Variants in LOC128706665 observed in about 807,000 individuals in gnomAD.
the LOC128706665 span, among the ~76,000 whole-genome samples, chr20:10,430,482 AC>A: frequency 4.7e-4 from 72 of 152,352 alleles, 2 homozygotes; most frequent in South Asian, 0.011. Context: ...AAGAAAAAAA[AC>A]ATTACTGGAA....
At chr20:10,430,093 T>C in the LOC128706665 span, among the ~76,000 whole-genome samples, 9 of 152,248 alleles carry the variant, frequency 5.9e-5, no homozygotes, top group South Asian at 6.2e-4. Flanking sequence ...CTTAAAAGCC[T>C]TTAGTGACAT....
the LOC128706665 span, chr20:10,413,711 G>T: frequency 1.6e-6 from 1 of 623,704 alleles, no homozygotes; most frequent in Non-Finnish European, 2.8e-6. Context: ...TGACAAATTA[G>T]TAATTCCAAA....
the LOC128706665 span, among the ~76,000 whole-genome samples, chr20:10,430,963 A>G: frequency 6.6e-6 from 1 of 152,210 alleles, no homozygotes; most frequent in African/African-American, 2.4e-5. Context: ...ATCAAAGTCT[A>G]ACCTCCACCA....
chr20:10,433,762 T>C, the LOC128706665 span, among the ~76,000 whole-genome samples: 1 of 151,908 alleles, frequency 6.6e-6, no homozygotes. Flanking sequence ...ACGGGGCCCC[T>C]CCCAGCGAGG....
the LOC128706665 span, among the ~76,000 whole-genome samples, chr20:10,432,823 G>A: frequency 2.1e-5 from 3 of 143,418 alleles, no homozygotes; most frequent in African/African-American, 7.7e-5. Flanking sequence ...AAATCGTGTA[G>A]TTTTGTACAC....
At chr20:10,431,473 A>G in the LOC128706665 span, among the ~76,000 whole-genome samples, 3 of 152,110 alleles carry the variant, frequency 2.0e-5, no homozygotes, top group African/African-American at 7.2e-5. Context: ...TACAGGTTTG[A>G]GAAGATAATG....
the LOC128706665 span, among the ~76,000 whole-genome samples, chr20:10,422,288 C>T: frequency 6.6e-6 from 1 of 151,924 alleles, no homozygotes; most frequent in Non-Finnish European, 1.5e-5. Context: ...ATTTTATGGC[C>T]TTTTCCTTTT....
chr20:10,416,361 T>C, the LOC128706665 span, among the ~76,000 whole-genome samples: 1 of 152,136 alleles, frequency 6.6e-6, no homozygotes, highest in East Asian at 1.9e-4. Flanking sequence ...CTGGGGTCCT[T>C]TTCTGCCCAA....
chr20:10,417,621 G>T, the LOC128706665 span, among the ~76,000 whole-genome samples: 5 of 152,056 alleles, frequency 3.3e-5, no homozygotes, highest in South Asian at 1.0e-3. Flanking sequence ...AGAGTTTGAG[G>T]CTGCAGTGAG....
chr20:10,418,464 T>C, the LOC128706665 span, among the ~76,000 whole-genome samples: 1 of 152,222 alleles, frequency 6.6e-6, no homozygotes, highest in Non-Finnish European at 1.5e-5. Context: ...TCTTTTGATG[T>C]ACTTCAACTA....
At chr20:10,429,408 A>G in the LOC128706665 span, among the ~76,000 whole-genome samples, 18 of 152,246 alleles carry the variant, frequency 1.2e-4, no homozygotes, top group South Asian at 2.1e-3. Context: ...TCAATCCCCA[A>G]ACTTCTATGA....
the LOC128706665 span, among the ~76,000 whole-genome samples, chr20:10,432,992 T>C: frequency 6.6e-6 from 1 of 152,170 alleles, no homozygotes; most frequent in Non-Finnish European, 1.5e-5. Flanking sequence ...AACCATCTTT[T>C]TTCCCCCAGA....
chr20:10,414,190 GCA>G, the LOC128706665 span, among the ~76,000 whole-genome samples: 6 of 151,422 alleles, frequency 4.0e-5, no homozygotes, highest in Non-Finnish European at 1.5e-5. Context: ...AAAGCTTACA[GCA>G]CAGTTATTTG....
chr20:10,423,553 GTGT>G, the LOC128706665 span, among the ~76,000 whole-genome samples: 1 of 152,320 alleles, frequency 6.6e-6, no homozygotes, highest in Admixed American at 6.5e-5. Context: ...GTTTGGGGAA[GTGT>G]TGTACTATTC....
chr20:10,432,867 T>G, the LOC128706665 span, among the ~76,000 whole-genome samples: 2 of 148,490 alleles, frequency 1.3e-5, no homozygotes, highest in East Asian at 3.9e-4. Flanking sequence ...CCTTAAATAA[T>G]CTCTAGGCTA....
chr20:10,427,416 A>G, the LOC128706665 span, among the ~76,000 whole-genome samples: 29 of 152,226 alleles, frequency 1.9e-4, no homozygotes, highest in Non-Finnish European at 3.2e-4. Context: ...GAAGAACATT[A>G]GATAGAATAT....
chr20:10,432,964 C>T, the LOC128706665 span, among the ~76,000 whole-genome samples: 113 of 152,264 alleles, frequency 7.4e-4, no homozygotes, highest in Non-Finnish European at 1.0e-3. Flanking sequence ...AAGGTCTGCA[C>T]GTGTTCAGTA....
At chr20:10,430,507 T>C in the LOC128706665 span, among the ~76,000 whole-genome samples, 1 of 152,234 alleles carries the variant, frequency 6.6e-6, no homozygotes, top group Admixed American at 6.5e-5. Flanking sequence ...ACCTGTAGTA[T>C]AGCAAGAACT....
At chr20:10,418,599 T>C in the LOC128706665 span, among the ~76,000 whole-genome samples, 1 of 152,156 alleles carries the variant, frequency 6.6e-6, no homozygotes, top group East Asian at 1.9e-4. Flanking sequence ...TAACTATTGC[T>C]GCACTGGCAT....
Sources: allele counts gnomAD v4.1 joint callset (sites outside exome capture counted in the v4.1 genomes callset), GRCh38; gene constraint gnomAD v4.1.1; transcripts MANE v1.5.